The following NDST4 variants were observed in gnomAD, a reference collection of about 807,000 sequenced individuals.
The protein encoded by NDST4 is N-heparan sulfate sulfotransferase 4.
Under a neutral mutation model 100.8 loss-of-function variants are expected in NDST4, and 63 were observed. The ratio of observed to expected loss-of-function variants is 0.62; its 90% CI spans 0.51 to 0.77. The LOEUF (loss-of-function observed/expected upper bound fraction) is 0.77. Ranked by LOEUF, NDST4 falls within the 30% of genes least tolerant of loss-of-function variation. The probability of loss-of-function intolerance (pLI) is 0.00; values close to 1 mark genes in which losing one functional copy is unlikely to be tolerated. For missense variants in NDST4, 943 were observed against 1,018.4 expected (o/e 0.93, Z 1.01); for synonymous variants, 377 against 361.8 (o/e 1.04, Z -0.48).
At chr4:114,841,292 C>T (rs920209977) in intron 10 of NDST4, among the ~76,000 whole-genome samples, 11 of 152,130 alleles carry the variant, frequency 7.2e-5, no homozygotes, top group Non-Finnish European at 1.0e-4. Flanking sequence ...GAAATTACAG[C>T]GGCAGGTGAC....
intron 12 of NDST4, among the ~76,000 whole-genome samples, chr4:114,832,396 T>A (rs957298036): frequency 1.3e-5 from 2 of 152,238 alleles, no homozygotes; most frequent in Admixed American, 1.3e-4. Context: ...TACATAATTG[T>A]GCTTGTTAGA....
chr4:114,870,056 G>A (rs1724114417), intron 7 of NDST4, among the ~76,000 whole-genome samples: 1 of 152,076 alleles, frequency 6.6e-6, no homozygotes, highest in Admixed American at 6.6e-5. Context: ...CCAGCCTATT[G>A]ATTTTGTGGG....
At chr4:115,098,978 G>T (rs1305866721) in intron 1 of NDST4, among the ~76,000 whole-genome samples, 2 of 152,178 alleles carry the variant, frequency 1.3e-5, no homozygotes, top group African/African-American at 4.8e-5. Flanking sequence ...AAAATGATGG[G>T]ATTACAGGCA....
intron 2 of NDST4, among the ~76,000 whole-genome samples, chr4:115,055,360 GA>G (rs1728670800): frequency 1.3e-5 from 2 of 152,084 alleles, no homozygotes; most frequent in African/African-American, 2.4e-5. Flanking sequence ...CTCGTCTGTG[GA>G]AAAATTGCCT....
chr4:114,923,388 A>T lies in NDST4; in HGVS notation c.1536+11818T>A, dbSNP rs184237687. Among the ~76,000 whole-genome samples, 968 of 152,348 alleles carry T rather than the reference A, an allele frequency of 6.4e-3. 7 individuals carry two copies. The highest frequency in any genetic ancestry group is 0.011 in the Non-Finnish European group (773 of 68,026). On this transcript the variant is annotated intron_variant, in intron 6 of 13. Coordinates refer to ENST00000264363, the MANE Select transcript of NDST4 (RefSeq NM_022569.3). ...TTTGTCATTCACTGTACTTAAAAAA[A>T]TAAATATTAAGGAAAAGAAACAAGA...
At chr4:114,842,992 A>G (rs1404452989) in intron 10 of NDST4, among the ~76,000 whole-genome samples, 1 of 151,380 alleles carries the variant, frequency 6.6e-6, no homozygotes, top group African/African-American at 2.4e-5. Flanking sequence ...ACTATTTCAA[A>G]GTTATTATAG....
intron 8 of NDST4, among the ~76,000 whole-genome samples, chr4:114,850,442 T>C (rs1346798232): frequency 6.6e-6 from 1 of 152,142 alleles, no homozygotes; most frequent in African/African-American, 2.4e-5. Flanking sequence ...TGTGGCTTGA[T>C]ATTCATGTAA....
intron 4 of NDST4, among the ~76,000 whole-genome samples, chr4:114,959,537 C>T (rs1726213847): frequency 6.6e-6 from 1 of 152,072 alleles, no homozygotes. Context: ...TGGAGAACAG[C>T]ATAAGAAAAA....
chr4:114,838,363 T>C (rs1392431411), intron 11 of NDST4, among the ~76,000 whole-genome samples: 1 of 152,194 alleles, frequency 6.6e-6, no homozygotes, highest in Non-Finnish European at 1.5e-5. Context: ...TAAAGTCACA[T>C]GTACACGTAT....
chr4:114,916,534 CTCTGTGTGTGTG>C (rs1237038207), intron 6 of NDST4, among the ~76,000 whole-genome samples: 1 of 123,418 alleles, frequency 8.1e-6, no homozygotes, highest in African/African-American at 3.3e-5. Context: ...TCCTGGTAGG[CTCTGTGTGTGTG>C]TGTGTGTGTG....
In NDST4 at chr4:115,072,514, T is replaced by C. The variant is rs541986381; in HGVS notation, c.978+3545A>G. ...CACACAGACCAATGGAATAAAATAG[T>C]GAACACAGAAATAAATTCTTGCATT... On this transcript the variant is annotated intron_variant, in intron 2 of 13. Transcript: ENST00000264363. 1.1e-4 allele frequency among the ~76,000 whole-genome samples: 17 copies of C among 151,908 alleles called. No homozygotes were observed. In the South Asian group the frequency reaches 2.5e-3, roughly 22 times the overall value.
intron 4 of NDST4, among the ~76,000 whole-genome samples, chr4:114,967,393 A>G (rs1347150572): frequency 2.6e-5 from 4 of 152,294 alleles, no homozygotes; most frequent in East Asian, 1.9e-4. Context: ...AAACAAATGT[A>G]ATTACTCTGA....
chr4:115,013,370 T>TACATATACAC (rs1553961185), intron 2 of NDST4, among the ~76,000 whole-genome samples: 1 of 71,450 alleles, frequency 1.4e-5, no homozygotes, highest in African/African-American at 4.1e-5. Context: ...TATATATATA[T>TACATATACAC]ACACACACAT....
Position 114,839,488 on chromosome 4 carries a change from T to C in NDST4, c.2176A>G (p.Thr726Ala), listed in dbSNP as rs960873160. 4.3e-6 allele frequency: 7 copies of C among 1,613,830 alleles called. No individual in the cohort carries two copies. The highest frequency in any genetic ancestry group is 1.3e-5 in the African/African-American group (1 of 74,924). The change falls in exon 11 of 14, where the codon ACA becomes GCA. Residue 726 changes from threonine (T) to alanine (A), a missense_variant. Around this residue, in one of 2 missense-constraint regions of NDST4, gnomAD observed 526 missense variants for 634.1 expected, o/e 0.83. Transcript: ENST00000264363. ...AAGTCAGATGGAGCCCAATGTCCTG[T>C]TGAAATAACTTCATAGAAATTGAAC... Reference protein sequence around the residue: ...LRFNFYEVISTGHWAPSDLKT... With the variant: ...LRFNFYEVISAGHWAPSDLKT...
At chr4:114,952,182 A>G (rs1247720078) in intron 4 of NDST4, among the ~76,000 whole-genome samples, 2 of 152,188 alleles carry the variant, frequency 1.3e-5, no homozygotes, top group Non-Finnish European at 2.9e-5. Context: ...ATAACAAGGT[A>G]TCCAGAAAAG....
Position 115,076,322 on chromosome 4 carries a change from G to T in NDST4, c.715C>A (p.Gln239Lys). 1 of 1,614,000 alleles carries T rather than the reference G, an allele frequency of 6.2e-7. No individual in the cohort carries two copies. Among genetic ancestry groups the T allele is most frequent in the Non-Finnish European group, 8.5e-7 (1 of 1,179,926 alleles). ...TYQPVLLTELQTEKSLSSLSS... is the reference protein window; with the variant it reads ...TYQPVLLTELKTEKSLSSLSS... ...AAGGATGACAGGGATTTTTCTGTCT[G>T]TAACTCAGTTAAAAGTACAGGCTGG... Residue 239 changes from glutamine (Q) to lysine (K), a missense_variant, in exon 2 of 14, where the codon CAG (glutamine) becomes AAG (lysine). This residue lies in a region of NDST4 where 417 missense variants were observed against 384.2 expected (regional missense o/e 1.09). Transcript: ENST00000264363.
intron 7 of NDST4, among the ~76,000 whole-genome samples, chr4:114,868,846 A>G (rs1724086875): frequency 6.6e-6 from 1 of 151,216 alleles, no homozygotes; most frequent in African/African-American, 2.4e-5. Flanking sequence ...TGTAAACTCT[A>G]TGTTATCTTT....
chr4:114,828,046 A>G (rs1228421527), intron 13 of NDST4, 111 bp from the exon 14 acceptor site: 27 of 914,042 alleles, frequency 3.0e-5, no homozygotes, highest in South Asian at 5.5e-5. Context: ...TGTCTACAAC[A>G]TATTATATTT....
At chr4:115,047,307 T>C (rs1728483141) in intron 2 of NDST4, among the ~76,000 whole-genome samples, 1 of 152,120 alleles carries the variant, frequency 6.6e-6, no homozygotes, top group South Asian at 2.1e-4. Context: ...GAAATTAATG[T>C]AGTAATTTTT....
Sources: gnomAD v4.1 joint callset for allele counts (sites outside exome capture counted in the v4.1 genomes callset) on GRCh38, gnomAD v4.1.1 for gene constraint, gnomAD v4.1.1 regional missense constraint, MANE v1.5 for transcripts, NCBI Gene and HGNC (gene_info 2026-07-23, HGNC 2026-07-21) for gene names.